Variants in TMEM222 observed in about 807,000 individuals in gnomAD.
TMEM222 encodes the protein chromosome 1 open reading frame 160.
Under a neutral mutation model 25.1 loss-of-function variants are expected in TMEM222, and 18 were observed. The ratio of observed to expected loss-of-function variants is 0.72; its 90% CI spans 0.50 to 1.06. TMEM222 has a LOEUF of 1.06. Among genes scored for constraint, TMEM222 ranks in the 50% least tolerant of loss-of-function variants. The pLI is 0.00. For missense variants in TMEM222, 296 were observed against 293.7 expected (o/e 1.01, Z -0.06); for synonymous variants, 131 against 117.9 (o/e 1.11, Z -0.72).
chr1:27,327,341 A>G (rs2014374944), intron 1 of TMEM222, among the ~76,000 whole-genome samples: 1 of 152,148 alleles, frequency 6.6e-6, no homozygotes, highest in Admixed American at 6.5e-5. Context: ...CCCAGATGAT[A>G]TCTGAGCATG....
intron 1 of TMEM222, 149 bp downstream of exon 1, chr1:27,322,540 C>T: frequency 1.5e-6 from 1 of 676,550 alleles, no homozygotes; most frequent in Non-Finnish European, 2.2e-6. Context: ...CCCCGCCATC[C>T]ATGTAGTGCC....
chr1:27,335,446 C>G lies in TMEM222; in HGVS notation c.607C>G (p.Leu203Val). 1.2e-6 allele frequency: 2 copies of G among 1,614,234 alleles called. No individual in the cohort carries two copies. The highest frequency in any genetic ancestry group is 1.7e-6 in the Non-Finnish European group (2 of 1,180,038). The change falls in exon 6 of 6, where the codon CTG (leucine) becomes GTG (valine). Residue 203 changes from leucine (L) to valine (V), a missense_variant. By Grantham distance (32) the Leu-to-Val change is conservative. Coordinates refer to ENST00000374076, the MANE Select transcript of TMEM222 (RefSeq NM_032125.3). ...CCTGGGCATCATCCTCACCGTCAGC[C>G]TGGTCTTTAACCTCCGGTGATGGCT... The part of the protein sequence containing the change: ...LLLGIILTVS[L>V]VFNLR
intron 1 of TMEM222, among the ~76,000 whole-genome samples, chr1:27,329,484 T>G (rs1407046491): frequency 1.3e-5 from 2 of 152,184 alleles, no homozygotes; most frequent in Non-Finnish European, 2.9e-5. Flanking sequence ...ACGTACTCTG[T>G]GTAAGATTTC....
chr1:27,330,834 T>A (rs953106775), intron 2 of TMEM222, 30 bp downstream of exon 2: 1 of 1,611,566 alleles, frequency 6.2e-7, no homozygotes, highest in East Asian at 2.2e-5. Context: ...ACCCGGGGGG[T>A]TCCAAGGTTT....
chr1:27,334,453 G>T, intron 5 of TMEM222, 172 bp downstream of exon 5: 2 of 1,269,162 alleles, frequency 1.6e-6, no homozygotes, highest in Non-Finnish European at 2.1e-6. Context: ...GGAGAGGGAG[G>T]TGGCTGTGCT....
At chr1:27,328,434 A>G (rs1177404707) in intron 1 of TMEM222, among the ~76,000 whole-genome samples, 1 of 152,126 alleles carries the variant, frequency 6.6e-6, no homozygotes, top group Non-Finnish European at 1.5e-5. Context: ...TGAACAGGGG[A>G]ATGATGGAAT....
intron 1 of TMEM222, chr1:27,325,570 G>C: frequency 8.8e-7 from 1 of 1,135,710 alleles, no homozygotes. Context: ...GGGCTATCCA[G>C]AGGCACCACC....
intron 5 of TMEM222, chr1:27,335,083 A>G (rs2014572428): frequency 4.2e-6 from 2 of 480,754 alleles, no homozygotes; most frequent in East Asian, 3.7e-5. Context: ...GTGGCTATAG[A>G]TGGAGCCAGT....
At position 27,333,954 on chromosome 1, in the gene TMEM222, C is replaced by G. The variant is rs376367863; in HGVS notation, c.312-4C>G. 3.0e-5 allele frequency: 48 copies of G among 1,613,418 alleles called. No individual in the cohort carries two copies. The highest frequency in any genetic ancestry group is 3.5e-5 in the Non-Finnish European group (41 of 1,179,538). ...AAGTGTCCAGAGCCCTTCTCTCCCC[C>G]CAGGTACTGGAAGTTGGACCCTGCT... On this transcript the variant is annotated splice_polypyrimidine_tract_variant and splice_region_variant and intron_variant, in intron 3 of 5. Transcript: ENST00000374076.
chr1:27,329,088 C>T (rs978063454), intron 1 of TMEM222, among the ~76,000 whole-genome samples: 9 of 152,118 alleles, frequency 5.9e-5, no homozygotes, highest in African/African-American at 2.2e-4. Flanking sequence ...CTTTTATTTC[C>T]TGGCATACAC....
At chr1:27,334,359 A>C in intron 5 of TMEM222, 78 bp downstream of exon 5, 1 of 1,590,530 alleles carries the variant, frequency 6.3e-7, no homozygotes, top group Non-Finnish European at 8.6e-7. Context: ...GACCATTCCT[A>C]GCGTCCTTCA....
intron 1 of TMEM222, among the ~76,000 whole-genome samples, chr1:27,328,605 C>A (rs188540899): frequency 1.3e-5 from 2 of 152,230 alleles, no homozygotes; most frequent in Non-Finnish European, 2.9e-5. Flanking sequence ...CCCTGATCCT[C>A]TAGTCAGGAC....
intron 1 of TMEM222, among the ~76,000 whole-genome samples, chr1:27,329,775 G>A (rs1201404481): frequency 6.6e-6 from 1 of 152,228 alleles, no homozygotes; most frequent in Non-Finnish European, 1.5e-5. Flanking sequence ...AAACTGCTGA[G>A]GCATTTAGTA....
chr1:27,322,988 C>G (rs1042419689), intron 1 of TMEM222, among the ~76,000 whole-genome samples: 2 of 152,170 alleles, frequency 1.3e-5, no homozygotes, highest in Non-Finnish European at 2.9e-5. Context: ...GAAGCAGGTG[C>G]TCTGGTACTA....
intron 1 of TMEM222, among the ~76,000 whole-genome samples, chr1:27,323,808 G>A (rs1032392614): frequency 3.3e-5 from 5 of 152,294 alleles, no homozygotes; most frequent in African/African-American, 1.2e-4. Context: ...AGGAAAATGT[G>A]CACATTAATT....
chr1:27,324,265 G>A (rs936967591), intron 1 of TMEM222, among the ~76,000 whole-genome samples: 5 of 152,162 alleles, frequency 3.3e-5, no homozygotes, highest in South Asian at 4.1e-4. Context: ...TGGAGGTTGC[G>A]GTGAGCCAAG....
intron 1 of TMEM222, among the ~76,000 whole-genome samples, chr1:27,322,971 CAG>C (rs2014243518): frequency 6.6e-6 from 1 of 152,118 alleles, no homozygotes; most frequent in African/African-American, 2.4e-5. Flanking sequence ...CAGCCTTTGT[CAG>C]GGGAGAAGCA....
chr1:27,331,462 G>A (rs1021804449), intron 2 of TMEM222, among the ~76,000 whole-genome samples: 3 of 152,176 alleles, frequency 2.0e-5, no homozygotes, highest in Non-Finnish European at 4.4e-5. Context: ...TTTTTATGGT[G>A]ATTAATCATT....
intron 1 of TMEM222, among the ~76,000 whole-genome samples, chr1:27,328,803 C>G (rs966538226): frequency 6.6e-6 from 1 of 152,200 alleles, no homozygotes; most frequent in African/African-American, 2.4e-5. Flanking sequence ...TCCACCCCAG[C>G]CCCCTGTAAC....
Sources: gnomAD v4.1 joint callset for allele counts (sites outside exome capture counted in the v4.1 genomes callset) on GRCh38, gnomAD v4.1.1 for gene constraint, MANE v1.5 for transcripts, NCBI Gene and HGNC (gene_info 2026-07-23, HGNC 2026-07-21) for gene names.